CCDC71: variants seen among roughly 807,000 people sequenced by gnomAD.
CCDC71 encodes the protein coiled-coil domain containing 71, also known as coiled-coil domain-containing protein 71.
For missense variants in CCDC71, 594 were observed against 604.0 expected, an observed-to-expected ratio of 0.98 and a Z score of 0.17; for synonymous variants, 257 against 242.2, an observed-to-expected ratio of 1.06 and a Z score of -0.57.
intron 1 of CCDC71, among the ~76,000 whole-genome samples, chr3:49,165,145 A>G (rs1475217289): frequency 6.6e-6 from 1 of 152,214 alleles, no homozygotes; most frequent in Non-Finnish European, 1.5e-5. Flanking sequence ...AGCAGGTGCC[A>G]ATGACATCTC....
At position 49,163,855 on chromosome 3, in the gene CCDC71, G is replaced by T; in HGVS notation, c.354C>A (p.Pro118=). ...TGGCCAGTCTGCCAGATAGCGGCAT[G>T]GGAAGCAGTGTGGCCCGACCTGCAG... ...RLPAGRATLL[P]MPLSGRLAKA... The change falls in exon 2 of 2, where the codon CCC becomes CCA. Residue 118 remains proline (P), a synonymous_variant. Transcript: ENST00000321895. 6.2e-7 allele frequency: 1 copy of T among 1,614,206 alleles called. No homozygotes were observed. The highest frequency in any genetic ancestry group is 1.1e-5 in the South Asian group (1 of 91,092).
intron 1 of CCDC71, among the ~76,000 whole-genome samples, chr3:49,165,931 T>A (rs1428839557): frequency 6.6e-6 from 1 of 152,148 alleles, no homozygotes; most frequent in Non-Finnish European, 1.5e-5. Context: ...GCAGGAGAAG[T>A]TGACGGAAGA....
rs2045708069 is a variant in CCDC71, at chr3:49,163,861, C to T, written c.348G>A (p.Leu116=). The part of the protein sequence containing the change: ...AMRLPAGRAT[L]LPMPLSGRLA... ...GTCTGCCAGATAGCGGCATGGGAAG[C>T]AGTGTGGCCCGACCTGCAGGCAACC... Residue 116 remains leucine, a synonymous_variant, in exon 2 of 2, where the codon CTG becomes CTA. Transcript: ENST00000321895. 2 of 1,614,062 alleles carry T rather than the reference C, an allele frequency of 1.2e-6. No individual in the cohort carries two copies. Among genetic ancestry groups the T allele is most frequent in the Non-Finnish European group, 1.7e-6 (2 of 1,180,046 alleles).
chr3:49,164,446 G>T (rs1222996024), intron 1 of CCDC71, among the ~76,000 whole-genome samples, 186 bp from the exon 2 acceptor site: 3 of 152,154 alleles, frequency 2.0e-5, no homozygotes, highest in Non-Finnish European at 4.4e-5. Context: ...AGAGGCTAAG[G>T]ATCAGGGAGT....
rs1392946382 is a variant in CCDC71 at position 49,162,567 on chromosome 3, T to C, written c.*238A>G. 8.5e-6 allele frequency: 5 copies of C among 585,326 alleles called. No homozygotes were observed. Among genetic ancestry groups the C allele is most frequent in the Non-Finnish European group, 1.5e-5 (5 of 328,518 alleles). The allele number at this position is 585,326 out of a possible 1,614,324, so 36.3% of individuals were successfully genotyped here. A position where few individuals can be genotyped will look rare whatever the true frequency, so the allele number is the denominator to read the frequency against. On this transcript the variant is annotated 3_prime_UTR_variant, in exon 2 of 2. Coordinates refer to ENST00000321895, the MANE Select transcript of CCDC71 (RefSeq NM_022903.4). ...GTATAAAACGTGATAGATGGAACAG[T>C]AGACATACAACTTGAATAACAAGTC...
chr3:49,165,937 G>A (rs767808196), intron 1 of CCDC71, among the ~76,000 whole-genome samples: 20 of 152,224 alleles, frequency 1.3e-4, no homozygotes, highest in Non-Finnish European at 2.4e-4. Context: ...GAAGTTGACG[G>A]AAGATAGGGC....
At position 49,163,065 on chromosome 3, in the gene CCDC71, G is replaced by A. The variant is rs201470826; in HGVS notation, c.1144C>T (p.Arg382Cys). Residue 382 changes from arginine to cysteine, a missense_variant, in exon 2 of 2, where the codon CGC becomes TGC. Physicochemically the swap from Arg to Cys is radical, Grantham distance 180. Transcript: ENST00000321895. ...ARTTRKGQKN[R>C]PETVGQKRKR... ...CTCTTCTGCCCAACAGTCTCAGGGC[G>A]GTTTTTCTGGCCCTTCCTTGTAGTT... 2.3e-5 allele frequency: 37 copies of A among 1,614,140 alleles called. No individual in the cohort carries two copies. The highest frequency in any genetic ancestry group is 2.6e-5 in the Non-Finnish European group (31 of 1,180,056).
rs2045700845 is a variant in CCDC71 at position 49,163,110 on chromosome 3, T to C, written c.1099A>G (p.Lys367Glu). ...GTAGTTCTGGCCTTAGCAGATCCCT[T>C]TGGCCTGCCTCTGCCCCTGGGCTGG... ...RTQPRGRGRP[K>E]GSAKARTTRK... The change falls in exon 2 of 2, where the codon AAG becomes GAG. Residue 367 changes from lysine (K) to glutamate (E), a missense_variant. Transcript: ENST00000321895. 1.2e-6 allele frequency: 2 copies of C among 1,614,248 alleles called. No individual in the cohort carries two copies. Among genetic ancestry groups the C allele is most frequent in the Non-Finnish European group, 1.7e-6 (2 of 1,180,038 alleles).
chr3:49,165,468 A>C (rs936225670), intron 1 of CCDC71, among the ~76,000 whole-genome samples: 1 of 152,266 alleles, frequency 6.6e-6, no homozygotes, highest in African/African-American at 2.4e-5. Flanking sequence ...GAGCATTAAA[A>C]GATCAGCCAG....
rs1184337540 is a variant in CCDC71 at position 49,162,850 on chromosome 3, T to C, written c.1359A>G (p.Ser453=). Residue 453 remains serine, a synonymous_variant, in exon 2 of 2, where the codon TCA becomes TCG. Transcript: ENST00000321895. Reference sequence around the variant, plus strand: ...GCAATGGCTGGAGCCGTATTACAGGTGACAGGTTCACGCGGAGGATCCGCT... The same window carrying C: ...GCAATGGCTGGAGCCGTATTACAGGCGACAGGTTCACGCGGAGGATCCGCT... The part of the protein sequence containing the change: ...RAQRILRVNL[S]PVIRLQPLLP... 1.1e-5 allele frequency: 18 copies of C among 1,613,564 alleles called. No individual in the cohort carries two copies. The highest frequency in any genetic ancestry group is 1.5e-5 in the Non-Finnish European group (18 of 1,179,948).
chr3:49,163,809 C>T lies in CCDC71; in HGVS notation c.400G>A (p.Ala134Thr), dbSNP rs1182220176. The T allele has an allele frequency of 6.2e-7, 1 of 1,613,994 alleles. No individual in the cohort carries two copies. Among genetic ancestry groups the T allele is most frequent in the African/African-American group, 1.3e-5 (1 of 74,908 alleles). The change falls in exon 2 of 2, where the codon GCC becomes ACC. Residue 134 changes from alanine to threonine, a missense_variant. Coordinates refer to ENST00000321895, the MANE Select transcript of CCDC71 (RefSeq NM_022903.4). ...RLAKASTPAL[A>T]KHATTNLLLS... ...AGCAGGTTGGTGGTAGCATGCTTGG[C>T]AAGGGCTGGTGTGGATGCTTTGGCC...
Position 49,163,196 on chromosome 3 carries a change from G to A in CCDC71, c.1013C>T (p.Ala338Val), listed in dbSNP as rs1040254796. The A allele has an allele frequency of 6.4e-7, 1 of 1,571,826 alleles. No homozygotes were observed. The highest frequency in any genetic ancestry group is 1.4e-5 in the African/African-American group (1 of 73,914). The change falls in exon 2 of 2, where the codon GCA (alanine) becomes GTA (valine). Residue 338 changes from alanine to valine, a missense_variant. Transcript: ENST00000321895. ...QVKAKAKVMA[A>V]WAKAKAKAKA... The stretch of plus-strand genomic sequence containing the variant: ...GGCTTTAGCCTTGGCCTTGGCCCAT[G>A]CTGCCATGACTTTGGCCTTGGCCTT...
chr3:49,162,996 T>C lies in CCDC71; in HGVS notation c.1213A>G (p.Thr405Ala), dbSNP rs1182505160. The change falls in exon 2 of 2, where the codon ACA becomes GCA. Residue 405 changes from threonine to alanine, a missense_variant. Thr to Ala is a moderately conservative substitution (Grantham distance 58, BLOSUM62 0). Transcript: ENST00000321895. Reference protein sequence around the residue: ...EAKDLPPKKRTRLGPRSPKAW... With the variant: ...EAKDLPPKKRARLGPRSPKAW... ...TTAGGAGATCGGGGCCCAAGCCGTG[T>C]TCTCTTCTTGGGAGGAAGATCTTTT... 1.2e-6 allele frequency: 2 copies of C among 1,614,278 alleles called. No homozygotes were observed. Among genetic ancestry groups the C allele is most frequent in the East Asian group, 4.5e-5 (2 of 44,884 alleles).
intron 1 of CCDC71, among the ~76,000 whole-genome samples, chr3:49,165,222 G>A (rs2045716100): frequency 6.6e-6 from 1 of 152,178 alleles, no homozygotes; most frequent in African/African-American, 2.4e-5. Context: ...AGGACAATGG[G>A]AGCCAAAGGC....
In CCDC71 at chr3:49,163,674, GGAC is replaced by G; in HGVS notation, c.532_534del (p.Val178del). 1 of 1,614,136 alleles carries G rather than the reference GGAC, an allele frequency of 6.2e-7. No homozygotes were observed. The highest frequency in any genetic ancestry group is 8.5e-7 in the Non-Finnish European group (1 of 1,180,034). ...GTCTTAAGTGGAACCAGGGCCTCAAGGACAACAGAGAGCCGCATGGCAGGGTAG... is the reference window on the plus strand; with the variant it reads ...GTCTTAAGTGGAACCAGGGCCTCAAGAACAGAGAGCCGCATGGCAGGGTAG... On this transcript the variant is annotated inframe_deletion, in exon 2 of 2. Transcript: ENST00000321895.
chr3:49,163,206 C>G lies in CCDC71; in HGVS notation c.1003G>C (p.Val335Leu). Residue 335 changes from valine (V) to leucine (L), a missense_variant, in exon 2 of 2, where the codon GTC becomes CTC. By Grantham distance (32) the Val-to-Leu change is conservative. Transcript: ENST00000321895. ...KAAQVKAKAKVMAAWAKAKAK... is the reference protein window; with the variant it reads ...KAAQVKAKAKLMAAWAKAKAK... The stretch of plus-strand genomic sequence containing the variant: ...TTGGCCTTGGCCCATGCTGCCATGA[C>G]TTTGGCCTTGGCCTTGACCTGTGCT... 1 of 1,572,394 alleles carries G rather than the reference C, an allele frequency of 6.4e-7. No homozygotes were observed. Among genetic ancestry groups the G allele is most frequent in the Non-Finnish European group, 8.7e-7 (1 of 1,149,866 alleles).
At position 49,163,297 on chromosome 3, in the gene CCDC71, G is replaced by C. The variant is rs1446811463; in HGVS notation, c.912C>G (p.Ala304=). 1.9e-6 allele frequency: 3 copies of C among 1,613,868 alleles called. No individual in the cohort carries two copies. Among genetic ancestry groups the C allele is most frequent in the South Asian group, 2.2e-5 (2 of 91,072 alleles). The change falls in exon 2 of 2, where the codon GCC becomes GCG. Residue 304 remains alanine, a synonymous_variant. Transcript: ENST00000321895. ...CCTTGGCCCGGGCCTTAGCAGCCTT[G>C]GCCTGTGTTCGAGCCACCTTGGCTT... ...RAQAKVARTQ[A]KAAKARAKAK... is the part of the protein sequence containing the mutation.
chr3:49,164,409 G>A, intron 1 of CCDC71, 149 bp from the exon 2 acceptor site: 1 of 611,006 alleles, frequency 1.6e-6, no homozygotes, highest in Non-Finnish European at 2.9e-6. Flanking sequence ...CTGGTCTCCT[G>A]ACCCTCTACC....
Position 49,162,924 on chromosome 3 carries a change from T to C in CCDC71, c.1285A>G (p.Ile429Val), listed in dbSNP as rs1471129307. Reference protein sequence around the residue: ...GTAKLLKFRAIKVDRRSSDDE... With the variant: ...GTAKLLKFRAVKVDRRSSDDE... ...TCCGAGGACCGCCTATCTACCTTTA[T>C]GGCACGGAACTTCAGCAGCTTTGCT... The change falls in exon 2 of 2, where the codon ATA becomes GTA. Residue 429 changes from isoleucine (I) to valine (V), a missense_variant. Transcript: ENST00000321895. The C allele has an allele frequency of 3.1e-6, 5 of 1,614,266 alleles. No homozygotes were observed. Among genetic ancestry groups the C allele is most frequent in the East Asian group, 2.2e-5 (1 of 44,890 alleles).
Sources: gnomAD v4.1 joint callset for allele counts (sites outside exome capture counted in the v4.1 genomes callset) on GRCh38, gnomAD v4.1.1 for gene constraint, MANE v1.5 for transcripts, NCBI Gene and HGNC (gene_info 2026-07-23, HGNC 2026-07-21) for gene names.